The following ECM2 variants were observed in gnomAD, a reference collection of about 807,000 sequenced individuals.
ECM2 encodes extracellular matrix protein 2, female organ and adipocyte specific.
Under a neutral mutation model 67.5 loss-of-function variants are expected in ECM2, and 57 were observed. The ratio of observed to expected loss-of-function variants is 0.84; its 90% confidence interval spans 0.68 to 1.05. The LOEUF (loss-of-function observed/expected upper bound fraction) is 1.05, where lower values mean the gene tolerates loss of function less well. Among genes scored for constraint, ECM2 ranks in the 50% least tolerant of loss-of-function variants. ECM2 has a pLI of 0.00. For synonymous variants in ECM2, 258 were observed against 294.5 expected (o/e 0.88, Z 1.27); for missense variants, 741 against 822.8 (o/e 0.90, Z 1.22).
downstream of ECM2, chr9:92,494,010 C>T (rs958321547): frequency 1.4e-4 from 209 of 1,497,386 alleles, no homozygotes; most frequent in Non-Finnish European, 1.8e-4. Context: ...GTGCTCGTCG[C>T]ATTGTCACCC....
intron 1 of ECM2, among the ~76,000 whole-genome samples, chr9:92,525,974 GT>G (rs1848383597): frequency 2.0e-5 from 3 of 150,460 alleles, no homozygotes; most frequent in Admixed American, 2.0e-4. Context: ...TATATTACTG[GT>G]TTATGTATTT....
Position 92,495,457 on chromosome 9 carries a change from A to G in ECM2, c.*858T>C, listed in dbSNP as rs950401821. 3 of 985,008 alleles carry G rather than the reference A, an allele frequency of 3.0e-6. No individual in the cohort carries two copies. The highest frequency in any genetic ancestry group is 6.1e-5 in the Admixed American group (1 of 16,266). 61.0% of individuals were successfully genotyped at this position (985,008 alleles called of 1,614,324 possible). On this transcript the variant is annotated 3_prime_UTR_variant, in exon 10 of 10. Transcript: ENST00000344604. Reference sequence around the variant, plus strand: ...TAGATGCTATGACCAGTGGTGCAAAATTTTTCAAAAATTTATACATTAGAT... The same window carrying G: ...TAGATGCTATGACCAGTGGTGCAAAGTTTTTCAAAAATTTATACATTAGAT...
chr9:92,506,099 G>T (rs966153456), intron 6 of ECM2, among the ~76,000 whole-genome samples: 1 of 152,224 alleles, frequency 6.6e-6, no homozygotes, highest in Non-Finnish European at 1.5e-5. Context: ...TGGAAACATT[G>T]CAAAGACATA....
At chr9:92,556,315 C>G in the ECM2 span, among the ~76,000 whole-genome samples, 3 of 152,036 alleles carry the variant, frequency 2.0e-5, no homozygotes, top group Non-Finnish European at 4.4e-5. Flanking sequence ...ATCATATGGT[C>G]TATCTTGGAG....
chr9:92,541,695 G>A, the ECM2 span, among the ~76,000 whole-genome samples: 1 of 151,668 alleles, frequency 6.6e-6, no homozygotes, highest in Non-Finnish European at 1.5e-5. Flanking sequence ...TTATTCATTC[G>A]CTGATGGACA....
chr9:92,496,149 C>A lies in ECM2; in HGVS notation c.*166G>T. 6.1e-6 allele frequency: 8 copies of A among 1,316,798 alleles called. No homozygotes were observed. Among genetic ancestry groups the A allele is most frequent in the African/African-American group, 1.5e-5 (1 of 64,886 alleles). The allele number at this position is 1,316,798 out of a possible 1,614,324, so 81.6% of individuals were successfully genotyped here. A position where few individuals can be genotyped will look rare whatever the true frequency, so the allele number is the denominator to read the frequency against. ...ATTAATAAAACTCCTAGAGACTATA[C>A]CTTTTAGGTATATTTTGGTTGTTCA... is the stretch of plus-strand genomic sequence containing the variant. On this transcript the variant is annotated 3_prime_UTR_variant, in exon 10 of 10. Transcript: ENST00000344604.
At chr9:92,552,720 C>T in the ECM2 span, among the ~76,000 whole-genome samples, 4 of 151,910 alleles carry the variant, frequency 2.6e-5, no homozygotes, top group African/African-American at 4.8e-5. Flanking sequence ...TGTTTGAGTT[C>T]GTTGTAGATT....
chr9:92,521,233 CT>C (rs924475436), intron 2 of ECM2, among the ~76,000 whole-genome samples: 9 of 152,048 alleles, frequency 5.9e-5, no homozygotes, highest in African/African-American at 1.9e-4. Context: ...CATATAAAAA[CT>C]TTTTTTTAAA....
At chr9:92,527,065 G>C (rs187681510) in intron 1 of ECM2, among the ~76,000 whole-genome samples, 94 of 152,264 alleles carry the variant, frequency 6.2e-4, no homozygotes, top group African/African-American at 2.1e-3. Flanking sequence ...CTGGAGTGCA[G>C]TGGCACCATC....
chr9:92,524,067 T>C (rs1201592731), intron 1 of ECM2, among the ~76,000 whole-genome samples: 1 of 152,214 alleles, frequency 6.6e-6, no homozygotes, highest in Non-Finnish European at 1.5e-5. Flanking sequence ...CTGCAGGTTT[T>C]CAAAGATTAC....
chr9:92,515,059 T>A lies in ECM2; in HGVS notation c.626A>T (p.Glu209Val), dbSNP rs200124000. ...TTCATCCTCCTCAGATTGAAGTGCT[T>A]CTTTTCTTACTATTCGGTCCATTCC... ...QVGMDRIVRK[E>V]ALQSEEDEEV... The change falls in exon 4 of 10, where the codon GAA (glutamate) becomes GTA (valine). Residue 209 changes from glutamate (E) to valine (V), a missense_variant. Glu to Val is a moderately radical substitution (Grantham distance 121, BLOSUM62 -2). Coordinates refer to ENST00000344604, the MANE Select transcript of ECM2 (RefSeq NM_001393.4). 1.3e-5 allele frequency: 21 copies of A among 1,614,056 alleles called. No individual in the cohort carries two copies. The highest frequency in any genetic ancestry group is 1.7e-5 in the Non-Finnish European group (20 of 1,180,038).
At chr9:92,505,803 T>C (rs1846970563) in intron 6 of ECM2, 113 bp from the exon 7 acceptor site, 2 of 839,910 alleles carry the variant, frequency 2.4e-6, no homozygotes, top group Admixed American at 6.2e-5. Flanking sequence ...GCAAATACAG[T>C]TTTTTTTAAA....
intron 2 of ECM2, among the ~76,000 whole-genome samples, chr9:92,521,162 G>A (rs964701311): frequency 3.3e-5 from 5 of 152,022 alleles, no homozygotes; most frequent in Admixed American, 6.6e-5. Context: ...AAATATTTTC[G>A]GACAACTTGG....
At position 92,495,323 on chromosome 9, in the gene ECM2, G is replaced by A; in HGVS notation, c.*992C>T. On this transcript the variant is annotated 3_prime_UTR_variant, in exon 10 of 10. Transcript: ENST00000344604. ...TACAAAGATAAAAATCATTATGTTA[G>A]AAAATTTTAATATATGATTTTGGTA... is the stretch of plus-strand genomic sequence containing the variant. The A allele has an allele frequency of 2.2e-6, 2 of 890,236 alleles. No individual in the cohort carries two copies. Among genetic ancestry groups the A allele is most frequent in the Non-Finnish European group, 2.7e-6 (2 of 743,314 alleles). The allele number at this position is 890,236 out of a possible 1,614,324, so 55.1% of individuals were successfully genotyped here. A position where few individuals can be genotyped will look rare whatever the true frequency, so the allele number is the denominator to read the frequency against.
chr9:92,528,074 A>G (rs1353586908), intron 1 of ECM2: 1 of 152,578 alleles, frequency 6.6e-6, no homozygotes, highest in Admixed American at 6.5e-5. Context: ...TTCAGCCATT[A>G]CACCAGTATT....
At chr9:92,524,750 C>A (rs2131254134) in intron 1 of ECM2, among the ~76,000 whole-genome samples, 1 of 152,244 alleles carries the variant, frequency 6.6e-6, no homozygotes, top group East Asian at 1.9e-4. Flanking sequence ...CCGCTGTTAT[C>A]TTTTTAATGG....
intron 2 of ECM2, among the ~76,000 whole-genome samples, chr9:92,518,804 G>A (rs1188210657): frequency 1.3e-5 from 2 of 152,088 alleles, no homozygotes; most frequent in Admixed American, 6.6e-5. Context: ...CATAAGAATC[G>A]CTTGAACCCA....
At chr9:92,546,511 C>T in the ECM2 span, among the ~76,000 whole-genome samples, 10 of 152,208 alleles carry the variant, frequency 6.6e-5, no homozygotes, top group Admixed American at 3.9e-4. Context: ...CAACTCCAGA[C>T]GCACCGCCTT....
chr9:92,505,894 G>C (rs1239937951), intron 6 of ECM2, among the ~76,000 whole-genome samples: 3 of 152,044 alleles, frequency 2.0e-5, no homozygotes, highest in Non-Finnish European at 2.9e-5. Flanking sequence ...TAAATGCATG[G>C]TCCAGTAGTG....
Sources: gnomAD v4.1 joint callset for allele counts (sites outside exome capture counted in the v4.1 genomes callset) on GRCh38, gnomAD v4.1.1 for gene constraint, MANE v1.5 for transcripts, NCBI Gene and HGNC (gene_info 2026-07-23, HGNC 2026-07-21) for gene names.